Variants in SCD5 observed in about 807,000 individuals in gnomAD.
SCD5 encodes stearoyl-CoA desaturase 5.
Under a neutral mutation model 30.4 loss-of-function variants are expected in SCD5, and 20 were observed. That is an observed-to-expected ratio of 0.66 (90% confidence interval 0.46 to 0.96). SCD5 has a LOEUF of 0.96. SCD5 is among the 40% of genes least tolerant of loss of function. The pLI is 0.00. For synonymous variants in SCD5, 173 were observed against 176.4 expected, an observed-to-expected ratio of 0.98 and a Z score of 0.16; for missense variants, 381 against 443.3, an observed-to-expected ratio of 0.86 and a Z score of 1.26.
At position 82,698,508 on chromosome 4, in the gene SCD5, C is replaced by T. The variant is rs140024457; in HGVS notation, c.363+6775G>A. Among the ~76,000 whole-genome samples the T allele has an allele frequency of 9.9e-4, 151 of 152,308 alleles. 2 individuals are homozygous for T. The East Asian group carries it at 0.022, about 22-fold the overall frequency. ...CTGAGGCTTACTCAAGCCATGGAAA[C>T]GCATGAGGCCATGTCACTCCCTGCC... On this transcript the variant is annotated intron_variant, in intron 2 of 4. Transcript: ENST00000319540.
At chr4:82,665,097 G>T (rs1204729321) in intron 3 of SCD5, among the ~76,000 whole-genome samples, 1 of 139,518 alleles carries the variant, frequency 7.2e-6, no homozygotes, top group East Asian at 2.1e-4. Context: ...AATTTAATCA[G>T]GCATGGTGGT....
At chr4:82,641,112 G>A (rs72911254) in intron 3 of SCD5, among the ~76,000 whole-genome samples, 6,468 of 152,074 alleles carry the variant, frequency 0.043, 180 homozygotes, top group Middle Eastern at 0.092. Flanking sequence ...GAACAAGGCC[G>A]GGCGTGGTGG....
chr4:82,727,725 G>A (rs1720537199), intron 1 of SCD5, among the ~76,000 whole-genome samples: 1 of 151,958 alleles, frequency 6.6e-6, no homozygotes, highest in African/African-American at 2.4e-5. Flanking sequence ...TTTGTTTTTT[G>A]AGACAGTGTC....
intron 1 of SCD5, among the ~76,000 whole-genome samples, chr4:82,732,657 A>G (rs1401741542): frequency 1.3e-5 from 2 of 152,186 alleles, no homozygotes; most frequent in Admixed American, 6.5e-5. Flanking sequence ...CGGGTTGGGT[A>G]ATAAATGAAT....
intron 1 of SCD5, among the ~76,000 whole-genome samples, chr4:82,759,825 T>C (rs1436874147): frequency 6.6e-6 from 1 of 152,086 alleles, no homozygotes; most frequent in Admixed American, 6.6e-5. Context: ...GCAAGAACCT[T>C]CTTATCCTTT....
At chr4:82,786,446 CTATT>C (rs915518150) in intron 1 of SCD5, among the ~76,000 whole-genome samples, 1 of 152,200 alleles carries the variant, frequency 6.6e-6, no homozygotes, top group African/African-American at 2.4e-5. Flanking sequence ...TTTCTAAACT[CTATT>C]CATGTCTTGT....
rs1406313467 is a variant in SCD5, at chr4:82,699,958, C to T, written c.363+5325G>A. 2.0e-5 allele frequency among the ~76,000 whole-genome samples: 3 copies of T among 151,918 alleles called. No individual in the cohort carries two copies. The East Asian group carries it at 6.0e-4, about 30-fold the overall frequency. ...TATAGGCATGGGCCACCACACCTGG[C>T]CCAATCCCAGCACTTTGGAAGGCCA... On this transcript the variant is annotated intron_variant, in intron 2 of 4. Transcript: ENST00000319540.
intron 1 of SCD5, among the ~76,000 whole-genome samples, chr4:82,727,487 C>T (rs1312327980): frequency 1.3e-5 from 2 of 152,202 alleles, no homozygotes; most frequent in Non-Finnish European, 2.9e-5. Context: ...TCCCAGCCTC[C>T]GTGAAGATTC....
intron 3 of SCD5, among the ~76,000 whole-genome samples, chr4:82,661,239 T>A (rs188699004): frequency 1.3e-5 from 2 of 152,328 alleles, no homozygotes; most frequent in East Asian, 3.9e-4. Flanking sequence ...CATGGTGAGA[T>A]GGGGACTGAG....
At chr4:82,771,684 T>C (rs1055152083) in intron 1 of SCD5, among the ~76,000 whole-genome samples, 1 of 152,212 alleles carries the variant, frequency 6.6e-6, no homozygotes, top group Admixed American at 6.5e-5. Flanking sequence ...ACCTGCCTCC[T>C]GAATCCCTTC....
intron 1 of SCD5, among the ~76,000 whole-genome samples, chr4:82,739,552 C>T (rs1038469664): frequency 1.3e-5 from 2 of 152,232 alleles, no homozygotes; most frequent in Admixed American, 6.5e-5. Context: ...TGGTTGTGTG[C>T]GGTGGTGGCC....
At chr4:82,664,999 C>CTCTCTCTCTCTCTCTATATATATA (rs1219554314) in intron 3 of SCD5, among the ~76,000 whole-genome samples, 1 of 70,484 alleles carries the variant, frequency 1.4e-5, no homozygotes, top group African/African-American at 7.5e-5. Context: ...CTCTCTCTCT[C>CTCTCTCTCTCTCTCTATATATATA]TATATATATA....
intron 1 of SCD5, among the ~76,000 whole-genome samples, chr4:82,720,402 G>A (rs1203064271): frequency 3.1e-5 from 4 of 127,002 alleles, no homozygotes; most frequent in Non-Finnish European, 6.2e-5. Flanking sequence ...ACTCCAGCCT[G>A]GGTGACAGAG....
At chr4:82,793,901 G>A (rs575392808) in intron 1 of SCD5, among the ~76,000 whole-genome samples, 46 of 152,266 alleles carry the variant, frequency 3.0e-4, no homozygotes, top group African/African-American at 1.0e-3. Flanking sequence ...AGAAGTCCAT[G>A]ACCATGCATT....
rs188233868 is a variant in SCD5, at chr4:82,641,047, G to T, written c.570-4224C>A. ...TCAGGTTTCTCTTCTGTAAAATGCT[G>T]TGCTAATAAATGTATTGGGTGCTTA... is the stretch of plus-strand genomic sequence containing the variant. On this transcript the variant is annotated intron_variant, in intron 3 of 4. Transcript: ENST00000319540. 4.5e-4 allele frequency among the ~76,000 whole-genome samples: 68 copies of T among 152,204 alleles called. No individual in the cohort carries two copies. In the East Asian group the frequency reaches 0.013, roughly 28 times the overall value.
chr4:82,754,585 T>C (rs1721192401), intron 1 of SCD5, among the ~76,000 whole-genome samples: 1 of 149,264 alleles, frequency 6.7e-6, no homozygotes, highest in South Asian at 2.2e-4. Context: ...TCAGTGCTGC[T>C]ATTTACAATT....
At chr4:82,735,181 C>T (rs372207373) in intron 1 of SCD5, among the ~76,000 whole-genome samples, 2 of 152,150 alleles carry the variant, frequency 1.3e-5, no homozygotes, top group Admixed American at 6.5e-5. Flanking sequence ...GATTCCCAGC[C>T]GAGGCCACTG....
chr4:82,709,116 C>T (rs1248049743), intron 1 of SCD5, among the ~76,000 whole-genome samples: 1 of 152,188 alleles, frequency 6.6e-6, no homozygotes, highest in Non-Finnish European at 1.5e-5. Context: ...CTGCTGATTG[C>T]CTGTGCCCTG....
chr4:82,660,595 T>C, intron 3 of SCD5: 1 of 1,264,160 alleles, frequency 7.9e-7, no homozygotes, highest in Non-Finnish European at 1.0e-6. Context: ...CCCAATAATT[T>C]TGTAAGGTAG....
Sources: gnomAD v4.1 joint callset for allele counts (sites outside exome capture counted in the v4.1 genomes callset) on GRCh38, gnomAD v4.1.1 for gene constraint, MANE v1.5 for transcripts, NCBI Gene and HGNC (gene_info 2026-07-23, HGNC 2026-07-21) for gene names.